EPM2A: variants seen among roughly 807,000 people sequenced by gnomAD.
The protein encoded by EPM2A is EPM2A glucan phosphatase, laforin.
In EPM2A, 21 loss-of-function variants were observed where a neutral mutation model predicts 26.5. That is an observed-to-expected ratio of 0.79 (90% CI 0.56 to 1.14). The LOEUF (loss-of-function observed/expected upper bound fraction) is 1.14, where lower values mean the gene tolerates loss of function less well. Ranked by LOEUF, EPM2A falls within the 50% of genes most tolerant of loss-of-function variation. The probability of loss-of-function intolerance (pLI) is 0.00; values close to 1 mark genes in which losing one functional copy is unlikely to be tolerated. For missense variants in EPM2A, 458 were observed against 440.8 expected, an observed-to-expected ratio of 1.04 and a Z score of -0.35; for synonymous variants, 217 against 177.6, an observed-to-expected ratio of 1.22 and a Z score of -1.76.
chr6:145,450,716 T>G (rs1444956927), intron 4 of EPM2A, among the ~76,000 whole-genome samples: 1 of 152,202 alleles, frequency 6.6e-6, no homozygotes, highest in Non-Finnish European at 1.5e-5. Context: ...ACTCTCAGCA[T>G]CATCTCCCTA....
At chr6:145,664,691 C>G (rs139549546) in intron 2 of EPM2A, among the ~76,000 whole-genome samples, 10,135 of 152,186 alleles carry the variant, frequency 0.067, 1,134 homozygotes, top group African/African-American at 0.23. Flanking sequence ...ACTCTCCACC[C>G]CAAATCGACA....
chr6:145,694,923 G>A (rs1249602046), intron 1 of EPM2A, among the ~76,000 whole-genome samples: 1 of 151,916 alleles, frequency 6.6e-6, no homozygotes, highest in African/African-American at 2.4e-5. Context: ...ATTAAAGTGA[G>A]TTCTTTAAGC....
At chr6:145,718,085 C>A (rs1346284057) in intron 1 of EPM2A, among the ~76,000 whole-genome samples, 1 of 151,842 alleles carries the variant, frequency 6.6e-6, no homozygotes. Flanking sequence ...ATCAGGCTAC[C>A]AATGACTTTC....
At position 145,627,385 on chromosome 6, in the gene EPM2A, A is replaced by T. The variant is rs1775886761; in HGVS notation, c.*31T>A. On this transcript the variant is annotated 3_prime_UTR_variant, in exon 4 of 4. Coordinates refer to ENST00000367519, the MANE Select transcript of EPM2A (RefSeq NM_005670.4). ...AACATCATCCCAGGCTCCTTAGGGA[A>T]ATCAGGAGGGGGCAGAAGCAGGCTG... The T allele has an allele frequency of 6.2e-7, 1 of 1,613,316 alleles. No individual in the cohort carries two copies. Among genetic ancestry groups the T allele is most frequent in the Admixed American group, 1.7e-5 (1 of 60,002 alleles).
intron 2 of EPM2A, among the ~76,000 whole-genome samples, chr6:145,507,247 A>G (rs1779988870): frequency 6.6e-6 from 1 of 152,204 alleles, no homozygotes; most frequent in African/African-American, 2.4e-5. Flanking sequence ...GACTTTTAGG[A>G]TGCCTCGGCC....
intron 2 of EPM2A, among the ~76,000 whole-genome samples, chr6:145,543,563 T>C (rs1780543611): frequency 6.6e-6 from 1 of 152,210 alleles, no homozygotes; most frequent in South Asian, 2.1e-4. Flanking sequence ...TCACCTGCTT[T>C]TTCTATCAAA....
At chr6:145,629,429 A>T (rs1220412609) in intron 3 of EPM2A, 2 of 152,200 alleles carry the variant, frequency 1.3e-5, no homozygotes, top group African/African-American at 4.8e-5. Context: ...AGGCACTAAA[A>T]TATCACTGGA....
At chr6:145,725,753 G>T (rs1313475467) in intron 1 of EPM2A, among the ~76,000 whole-genome samples, 1 of 152,032 alleles carries the variant, frequency 6.6e-6, no homozygotes, top group Non-Finnish European at 1.5e-5. Flanking sequence ...GGTTGCCAAG[G>T]GTTTGAGGAG....
At chr6:145,487,875 A>G (rs1180394307) in intron 4 of EPM2A, among the ~76,000 whole-genome samples, 1 of 152,094 alleles carries the variant, frequency 6.6e-6, no homozygotes, top group African/African-American at 2.4e-5. Context: ...TGGTGTCTTC[A>G]TCATAAAATC....
At chr6:145,415,397 G>A (rs1276435987) in intron 4 of EPM2A, among the ~76,000 whole-genome samples, 1 of 152,168 alleles carries the variant, frequency 6.6e-6, no homozygotes, top group Non-Finnish European at 1.5e-5. Context: ...CAACCTGATA[G>A]GTCCACAGAT....
chr6:145,616,056 C>T (rs967449610), intron 2 of EPM2A, among the ~76,000 whole-genome samples: 4 of 152,134 alleles, frequency 2.6e-5, no homozygotes, highest in African/African-American at 7.2e-5. Context: ...ATGTGAATAC[C>T]CAAGACAATG....
chr6:145,483,218 G>C (rs1481234366), intron 4 of EPM2A, among the ~76,000 whole-genome samples: 1 of 151,922 alleles, frequency 6.6e-6, no homozygotes, highest in Non-Finnish European at 1.5e-5. Context: ...AAGTAGCTTT[G>C]ACAAGCATTC....
At chr6:145,409,710 C>T (rs1054315608) in intron 4 of EPM2A, among the ~76,000 whole-genome samples, 4 of 152,106 alleles carry the variant, frequency 2.6e-5, no homozygotes, top group African/African-American at 9.7e-5. Flanking sequence ...CTTTCATCTA[C>T]TATATGAGCT....
At chr6:145,518,595 C>CAAAAAAAAAAAA (rs55802475) in intron 2 of EPM2A, among the ~76,000 whole-genome samples, 1 of 102,664 alleles carries the variant, frequency 9.7e-6, no homozygotes, top group Non-Finnish European at 2.0e-5. Context: ...TGAAATGCAC[C>CAAAAAAAAAAAA]AAAAAAAAAA....
At chr6:145,430,122 G>A (rs1445794759) in intron 4 of EPM2A, among the ~76,000 whole-genome samples, 1 of 151,916 alleles carries the variant, frequency 6.6e-6, no homozygotes, top group African/African-American at 2.4e-5. Flanking sequence ...AATTCAGGAG[G>A]CAGAGGTTGT....
intron 4 of EPM2A, among the ~76,000 whole-genome samples, chr6:145,449,544 T>G (rs1274223265): frequency 6.6e-6 from 1 of 152,184 alleles, no homozygotes; most frequent in Non-Finnish European, 1.5e-5. Context: ...AACATAAAAG[T>G]TGGAAATAGC....
intron 1 of EPM2A, among the ~76,000 whole-genome samples, chr6:145,694,986 C>T (rs1781489272): frequency 1.3e-5 from 2 of 151,926 alleles, no homozygotes; most frequent in East Asian, 1.9e-4. Flanking sequence ...GGAAAAAATT[C>T]AGTGGTATCA....
At position 145,478,125 on chromosome 6, in the gene EPM2A, T is replaced by C. The variant is rs183021527; in HGVS notation, c.555+24397A>G. Among the ~76,000 whole-genome samples, 1,517 of 152,044 alleles carry C rather than the reference T, an allele frequency of 1.0e-2. 17 individuals carry two copies. Among genetic ancestry groups the C allele is most frequent in the Non-Finnish European group, 0.015 (1,033 of 67,836 alleles). On this transcript the variant is annotated intron_variant, in intron 4 of 4. Coordinates refer to the EPM2A transcript ENST00000638717. ...CATACAAAAATCAGTAGCATTTCTA[T>C]ATGCCAACAATGAAAAATGTGAGAA...
intron 2 of EPM2A, among the ~76,000 whole-genome samples, chr6:145,588,577 G>T (rs1226661372): frequency 6.6e-6 from 1 of 152,130 alleles, no homozygotes; most frequent in African/African-American, 2.4e-5. Flanking sequence ...AGCACTCATT[G>T]TTCTATGTTG....
Sources: allele counts gnomAD v4.1 joint callset (sites outside exome capture counted in the v4.1 genomes callset), GRCh38; gene constraint gnomAD v4.1.1; transcripts MANE v1.5; gene names NCBI Gene and HGNC (gene_info 2026-07-23, HGNC 2026-07-21).